Variants in IGFL2 observed in about 807,000 individuals in gnomAD.
The protein encoded by IGFL2 is insulin growth factor-like family member 2.
A neutral mutation model predicts 13.9 loss-of-function variants in IGFL2; 7 were observed. That is an observed-to-expected ratio of 0.51 (90% CI 0.29 to 0.95). The LOEUF is 0.95. Among genes scored for constraint, IGFL2 ranks in the 40% least tolerant of loss-of-function variants. IGFL2 has a pLI of 0.08. For missense variants in IGFL2, 138 were observed against 147.8 expected (o/e 0.93, Z 0.34); for synonymous variants, 55 against 55.8 (o/e 0.99, Z 0.07).
the IGFL2 span, among the ~76,000 whole-genome samples, chr19:46,098,446 C>G: frequency 1.4e-5 from 2 of 145,406 alleles, no homozygotes; most frequent in Non-Finnish European, 1.5e-5. Flanking sequence ...ACCAATGGGT[C>G]TTGACTCTTT....
the IGFL2 span, among the ~76,000 whole-genome samples, chr19:46,079,479 C>A: frequency 6.6e-6 from 1 of 152,180 alleles, no homozygotes; most frequent in African/African-American, 2.4e-5. Context: ...GGATTGGAGC[C>A]TGTTTGCACC....
chr19:46,145,628 G>GTGTGTGTGTA (rs1973091904), upstream of IGFL2, among the ~76,000 whole-genome samples: 2 of 136,366 alleles, frequency 1.5e-5, no homozygotes, highest in Non-Finnish European at 3.3e-5. Flanking sequence ...GTGTGTGTGT[G>GTGTGTGTGTA]TGTGTGTATT....
chr19:46,145,029 TTGA>T (rs1181577424), upstream of IGFL2, among the ~76,000 whole-genome samples: 1 of 152,312 alleles, frequency 6.6e-6, no homozygotes, highest in East Asian at 1.9e-4. Context: ...ATTTCCCCTG[TTGA>T]TAGATATTTG....
At chr19:46,100,046 C>T in the IGFL2 span, among the ~76,000 whole-genome samples, 1 of 152,102 alleles carries the variant, frequency 6.6e-6, no homozygotes, top group African/African-American at 2.4e-5. Context: ...TGGTTCTTGG[C>T]TTCTTTGCAT....
At chr19:46,103,462 A>G in the IGFL2 span, among the ~76,000 whole-genome samples, 1 of 152,220 alleles carries the variant, frequency 6.6e-6, no homozygotes, top group Admixed American at 6.5e-5. Context: ...AGTAAAGAAT[A>G]GGACTTCATC....
the IGFL2 span, among the ~76,000 whole-genome samples, chr19:46,135,204 T>C: frequency 6.6e-6 from 1 of 152,164 alleles, no homozygotes; most frequent in Admixed American, 6.5e-5. Context: ...GAATATTGAC[T>C]AACACTATTA....
chr19:46,123,836 C>A, the IGFL2 span: 1 of 1,549,000 alleles, frequency 6.5e-7, no homozygotes, highest in Non-Finnish European at 8.7e-7. Flanking sequence ...CCTCTGTATC[C>A]CTCATCCCTC....
chr19:46,126,630 A>G, the IGFL2 span, among the ~76,000 whole-genome samples: 3 of 152,230 alleles, frequency 2.0e-5, no homozygotes, highest in African/African-American at 4.8e-5. Context: ...TCCTAAAACA[A>G]TGAGCATGTG....
chr19:46,123,797 A>G, the IGFL2 span: 2 of 1,411,700 alleles, frequency 1.4e-6, no homozygotes, highest in Non-Finnish European at 1.9e-6. Flanking sequence ...TGCCGTTAGA[A>G]CTCCACAAAC....
the IGFL2 span, among the ~76,000 whole-genome samples, chr19:46,115,046 A>G: frequency 1.3e-5 from 2 of 152,058 alleles, no homozygotes; most frequent in Admixed American, 6.6e-5. Context: ...ACCTATGTTC[A>G]TCCATAGCCC....
chr19:46,147,525 G>A (rs528350554), upstream of IGFL2, among the ~76,000 whole-genome samples: 127 of 152,270 alleles, frequency 8.3e-4, 2 homozygotes, highest in Middle Eastern at 0.017. Context: ...ATGTATTATA[G>A]GCTGCAACAA....
the IGFL2 span, among the ~76,000 whole-genome samples, chr19:46,205,672 C>G: frequency 6.6e-6 from 1 of 152,184 alleles, no homozygotes. Context: ...CCTAAACCCA[C>G]TTCTTGTGTC....
intron 1 of IGFL2, among the ~76,000 whole-genome samples, chr19:46,152,162 G>T (rs1973531709): frequency 6.6e-6 from 1 of 151,132 alleles, no homozygotes; most frequent in Admixed American, 6.6e-5. Flanking sequence ...TATTTAGATG[G>T]TTTTTTACTA....
chr19:46,178,663 C>T, the IGFL2 span, among the ~76,000 whole-genome samples: 1 of 152,190 alleles, frequency 6.6e-6, no homozygotes, highest in African/African-American at 2.4e-5. Flanking sequence ...CTTATCTGAA[C>T]GCAAGCATTA....
chr19:46,207,080 A>G, the IGFL2 span: 2 of 152,188 alleles, frequency 1.3e-5, no homozygotes, highest in African/African-American at 4.8e-5. Context: ...TACACTGAGA[A>G]GAACAGTTCT....
chr19:46,159,215 G>A (rs182040988), intron 1 of IGFL2: 39 of 152,342 alleles, frequency 2.6e-4, no homozygotes, highest in Admixed American at 8.5e-4. Context: ...TAGTTCTCCA[G>A]GGAGTAAACA....
At chr19:46,140,578 T>C (rs981312606), upstream of IGFL2, among the ~76,000 whole-genome samples, 1 of 152,132 alleles carries the variant, frequency 6.6e-6, no homozygotes, top group Non-Finnish European at 1.5e-5. Context: ...AACTCATCGC[T>C]CCATCTTAAC....
At chr19:46,132,061 G>A in the IGFL2 span, among the ~76,000 whole-genome samples, 1 of 152,164 alleles carries the variant, frequency 6.6e-6, no homozygotes, top group Non-Finnish European at 1.5e-5. Flanking sequence ...AATATTCTTG[G>A]CCAACAGGAA....
At chr19:46,203,275 A>G in the IGFL2 span, among the ~76,000 whole-genome samples, 13 of 152,186 alleles carry the variant, frequency 8.5e-5, no homozygotes, top group Non-Finnish European at 1.5e-4. Flanking sequence ...GGAGCAAATC[A>G]CAATGATGGA....
Sources: allele counts gnomAD v4.1 joint callset (sites outside exome capture counted in the v4.1 genomes callset), GRCh38; gene constraint gnomAD v4.1.1; transcripts MANE v1.5; gene names NCBI Gene and HGNC (gene_info 2026-07-23, HGNC 2026-07-21).